BAHD1: variants seen among roughly 807,000 people sequenced by gnomAD.
BAHD1 encodes the protein bromo adjacent homology domain-containing 1 protein.
BAHD1 carries 20 observed loss-of-function variants against 63.1 expected under a neutral mutation model. The observed-to-expected ratio is 0.32, with a 90% CI of 0.22 to 0.46. The LOEUF (loss-of-function observed/expected upper bound fraction) is 0.46. BAHD1 is among the 20% of genes least tolerant of loss of function. The pLI is 1.00. For synonymous variants in BAHD1, 408 were observed against 426.8 expected, an observed-to-expected ratio of 0.96 and a Z score of 0.54; for missense variants, 939 against 1,071.8, an observed-to-expected ratio of 0.88 and a Z score of 1.73.
chr15:40,441,574 G>A (rs1011035985), intron 1 of BAHD1, among the ~76,000 whole-genome samples: 2 of 149,058 alleles, frequency 1.3e-5, no homozygotes, highest in Admixed American at 6.7e-5. Flanking sequence ...GCAGGCCGGG[G>A]GCGGGGTGGG....
chr15:40,464,997 CT>C, intron 5 of BAHD1: 1 of 402,588 alleles, frequency 2.5e-6, no homozygotes. Flanking sequence ...CTGGGCTCAC[CT>C]TTTATTTCAC....
At chr15:40,460,660 C>T (rs1364890869) in intron 2 of BAHD1, among the ~76,000 whole-genome samples, 1 of 152,178 alleles carries the variant, frequency 6.6e-6, no homozygotes, top group East Asian at 1.9e-4. Context: ...GCAGAGGTAT[C>T]CTCACCTGCC....
chr15:40,457,275 G>A (rs753098368), intron 1 of BAHD1, among the ~76,000 whole-genome samples: 12 of 152,174 alleles, frequency 7.9e-5, no homozygotes, highest in Admixed American at 5.2e-4. Flanking sequence ...TCTACGCACC[G>A]TCCCTGGGTT....
At chr15:40,464,150 C>A in intron 4 of BAHD1, 130 bp downstream of exon 4, 1 of 1,148,764 alleles carries the variant, frequency 8.7e-7, no homozygotes. Context: ...AGTCTGCCTT[C>A]CACTCGGCTG....
upstream of BAHD1, among the ~76,000 whole-genome samples, chr15:40,438,885 G>A (rs1228522908): frequency 6.6e-6 from 1 of 152,356 alleles, no homozygotes; most frequent in South Asian, 2.1e-4. Flanking sequence ...GCAGACAGGA[G>A]CCCGGCCTCT....
Position 40,458,771 on chromosome 15 carries a change from G to A in BAHD1, c.307G>A (p.Ala103Thr). The A allele has an allele frequency of 6.2e-7, 1 of 1,613,064 alleles. No homozygotes were observed. Among genetic ancestry groups the A allele is most frequent in the Non-Finnish European group, 8.5e-7 (1 of 1,179,990 alleles). Residue 103 changes from alanine (A) to threonine (T), a missense_variant, in exon 2 of 7, where the codon GCC becomes ACC. Physicochemically the swap from Ala to Thr is moderately conservative, Grantham distance 58. This residue lies in a region of BAHD1 where 797 missense variants were observed against 813.3 expected (regional missense o/e 0.98). Transcript: ENST00000416165. The surrounding 1 kb of genome is among the most constrained non-coding windows in gnomAD (Gnocchi z 4.7). The stretch of plus-strand genomic sequence containing the variant: ...TGACCTGCCCAAGCCCCCCAGCCCG[G>A]CCCCATCCAGTGAAGACCCTGGCCT... ...PPDLPKPPSP[A>T]PSSEDPGLAQ...
At chr15:40,450,799 TA>T (rs1893677351) in intron 1 of BAHD1, among the ~76,000 whole-genome samples, 1 of 152,142 alleles carries the variant, frequency 6.6e-6, no homozygotes, top group South Asian at 2.1e-4. Flanking sequence ...ATGGAGCTAA[TA>T]GGGGCGAGTC....
Position 40,458,385 on chromosome 15 carries a change from G to A in BAHD1, c.-14-66G>A. ...CACCTGGGGCTGGGTAGGCTGCAGT[G>A]GGAGAGAAAGCAGGCAGGAGCAGGC... On this transcript the variant is annotated intron_variant, in intron 1 of 6. Coordinates refer to ENST00000416165, the MANE Select transcript of BAHD1 (RefSeq NM_014952.5). The surrounding 1 kb of genome is among the most constrained non-coding windows in gnomAD (Gnocchi z 4.7). 1 of 1,508,248 alleles carries A rather than the reference G, an allele frequency of 6.6e-7. No homozygotes were observed. Among genetic ancestry groups the A allele is most frequent in the Non-Finnish European group, 8.9e-7 (1 of 1,129,878 alleles). 93.4% of individuals were successfully genotyped at this position (1,508,248 alleles called of 1,614,324 possible). A position where few individuals can be genotyped will look rare whatever the true frequency, so the allele number is the denominator to read the frequency against.
chr15:40,440,418 G>C (rs550303995), upstream of BAHD1, among the ~76,000 whole-genome samples: 22 of 152,134 alleles, frequency 1.4e-4, no homozygotes, highest in African/African-American at 5.3e-4. Flanking sequence ...TTGATTTTCG[G>C]CTGGTCTTCC....
chr15:40,442,105 G>T (rs1893420684), intron 1 of BAHD1, among the ~76,000 whole-genome samples: 1 of 152,178 alleles, frequency 6.6e-6, no homozygotes, highest in Non-Finnish European at 1.5e-5. Flanking sequence ...GCCTGGTCTT[G>T]CCCTGCTCGC....
intron 1 of BAHD1, among the ~76,000 whole-genome samples, chr15:40,445,256 T>TAAAAAA (rs397937880): frequency 1.8e-5 from 2 of 113,700 alleles, no homozygotes; most frequent in African/African-American, 3.4e-5. Flanking sequence ...TCCTTTTGGG[T>TAAAAAA]AAAAAAAAAA....
intron 1 of BAHD1, among the ~76,000 whole-genome samples, chr15:40,457,448 C>T (rs1456065337): frequency 3.9e-5 from 6 of 152,030 alleles, no homozygotes; most frequent in Admixed American, 6.6e-5. Flanking sequence ...ATGGGCCCCT[C>T]AAAGCTGAGA....
chr15:40,458,552 A>T lies in BAHD1; in HGVS notation c.88A>T (p.Met30Leu). The T allele has an allele frequency of 6.2e-7, 1 of 1,613,872 alleles. No individual in the cohort carries two copies. Among genetic ancestry groups the T allele is most frequent in the South Asian group, 1.1e-5 (1 of 91,058 alleles). ...REPLQMEDSN[M>L]EQGVEGVEPG... is the part of the protein sequence containing the mutation. ...GCCCCTGCAGATGGAAGACAGCAAC[A>T]TGGAGCAGGGGGTTGAGGGTGTGGA... Residue 30 changes from methionine to leucine, a missense_variant, in exon 2 of 7, where the codon ATG becomes TTG. Met to Leu is a conservative substitution (Grantham distance 15). Around this residue, in one of 5 missense-constraint regions of BAHD1, gnomAD observed 797 missense variants for 813.3 expected, o/e 0.98. Coordinates refer to ENST00000416165, the MANE Select transcript of BAHD1 (RefSeq NM_014952.5). The surrounding 1 kb of genome is among the most constrained non-coding windows in gnomAD (Gnocchi z 4.7).
intron 4 of BAHD1, chr15:40,464,232 C>A: frequency 3.0e-6 from 2 of 673,480 alleles, no homozygotes; most frequent in East Asian, 2.7e-5. Flanking sequence ...ACCTTTCCAG[C>A]CAGCAGAGCC....
chr15:40,443,450 G>A, intron 1 of BAHD1: 1 of 412,988 alleles, frequency 2.4e-6, no homozygotes, highest in South Asian at 1.0e-4. Context: ...CACGGCATGT[G>A]ATTTCTTTTG....
intron 1 of BAHD1, chr15:40,443,393 A>C (rs899547145): frequency 2.4e-6 from 2 of 845,448 alleles, no homozygotes; most frequent in South Asian, 5.4e-5. Context: ...TCTAAAATCC[A>C]GAGAGTGATG....
intron 2 of BAHD1, among the ~76,000 whole-genome samples, chr15:40,460,150 G>A (rs1438596778): frequency 6.6e-6 from 1 of 152,190 alleles, no homozygotes; most frequent in Admixed American, 6.5e-5. Context: ...TGGCAGTTAG[G>A]TAGCATTGCA....
intron 1 of BAHD1, among the ~76,000 whole-genome samples, chr15:40,443,669 G>T (rs895677735): frequency 2.0e-5 from 3 of 152,054 alleles, no homozygotes; most frequent in African/African-American, 7.3e-5. Context: ...CTGTTGTCCT[G>T]CTGTCCCCGT....
At chr15:40,442,108 C>G (rs1267392837) in intron 1 of BAHD1, among the ~76,000 whole-genome samples, 3 of 152,190 alleles carry the variant, frequency 2.0e-5, no homozygotes, top group Admixed American at 6.5e-5. Context: ...TGGTCTTGCC[C>G]TGCTCGCTCC....
Sources: gnomAD v4.1 joint callset for allele counts (sites outside exome capture counted in the v4.1 genomes callset) on GRCh38, gnomAD v4.1.1 for gene constraint, gnomAD v4.1.1 regional missense constraint, Gnocchi (gnomAD v3.1) non-coding constraint, MANE v1.5 for transcripts, NCBI Gene and HGNC (gene_info 2026-07-23, HGNC 2026-07-21) for gene names.